XKRX: variants seen among roughly 807,000 people sequenced by gnomAD.
The protein encoded by XKRX is XK related X-linked, also known as XK-related protein 2.
Under a neutral mutation model 22.4 loss-of-function variants are expected in XKRX, and 11 were observed. The ratio of observed to expected loss-of-function variants is 0.49; its 90% CI spans 0.31 to 0.81. XKRX has a LOEUF of 0.81. Among genes scored for constraint, XKRX ranks in the 40% least tolerant of loss-of-function variants. The probability of loss-of-function intolerance (pLI) is 0.05; values close to 1 mark genes in which losing one functional copy is unlikely to be tolerated. For missense variants in XKRX, 320 were observed against 336.5 expected (o/e 0.95, Z 0.38); for synonymous variants, 114 against 132.2 (o/e 0.86, Z 0.94).
At chrX:100,927,818 G>C (rs2147944402) in intron 1 of XKRX, 152 bp downstream of exon 1, 1 of 718,502 alleles carries the variant, frequency 1.4e-6, no homozygotes. Flanking sequence ...TTTCAGGTAA[G>C]TTTTCTGAAT....
chrX:100,927,889 A>G, intron 1 of XKRX, 81 bp downstream of exon 1: 2 of 1,059,041 alleles, frequency 1.9e-6, no homozygotes, highest in Non-Finnish European at 2.5e-6. Context: ...CATAGTATCC[A>G]TCTTGTAAAT....
At position 100,914,287 on chromosome X, in the gene XKRX, T is replaced by C. The variant is rs766763906; in HGVS notation, c.*51A>G. 5 of 1,161,865 alleles carry C rather than the reference T, an allele frequency of 4.3e-6. No individual in the cohort carries two copies. Among genetic ancestry groups the C allele is most frequent in the Non-Finnish European group, 2.3e-6 (2 of 867,118 alleles). On this transcript the variant is annotated 3_prime_UTR_variant, in exon 3 of 3. Coordinates refer to ENST00000372956, the MANE Select transcript of XKRX (RefSeq NM_212559.3). ...AACCTCATCCTTTCGTTCAATTTCA[T>C]GGTTACTCTTGGCAACTCCCAACTC...
At chrX:100,904,062 C>G in the XKRX span, among the ~76,000 whole-genome samples, 1 of 111,780 alleles carries the variant, frequency 8.9e-6, no homozygotes, top group Admixed American at 9.6e-5. Context: ...AAGAGGTTGA[C>G]GCTACCAAAT....
chrX:100,896,829 A>G, the XKRX span, among the ~76,000 whole-genome samples: 1 of 111,392 alleles, frequency 9.0e-6, no homozygotes, highest in Non-Finnish European at 1.9e-5. Flanking sequence ...CACCCTATGT[A>G]AAAAAATTAT....
rs1332785636 is a variant in XKRX at position 100,914,933 on chromosome X, G to T, written c.755C>A (p.Thr252Asn). ...CITIWRTLEI[T>N]SRLLILVLFS... ...GAGCACCAGAATCAGGAGGCGGGAA[G>T]TGATCTCCAATGTCCGCCAGATGGT... The change falls in exon 3 of 3, where the codon ACT becomes AAT. Residue 252 changes from threonine (T) to asparagine (N), a missense_variant. Thr to Asn is a moderately conservative substitution (Grantham distance 65). Coordinates refer to ENST00000372956, the MANE Select transcript of XKRX (RefSeq NM_212559.3). 1.7e-6 allele frequency: 2 copies of T among 1,209,996 alleles called. No homozygotes were observed. Among genetic ancestry groups the T allele is most frequent in the Admixed American group, 4.4e-5 (2 of 45,664 alleles).
the XKRX span, among the ~76,000 whole-genome samples, chrX:100,901,278 T>C: frequency 3.6e-5 from 4 of 111,959 alleles, no homozygotes; most frequent in African/African-American, 1.3e-4. Context: ...AGAAATTCAC[T>C]TTACATTTAA....
the XKRX span, among the ~76,000 whole-genome samples, chrX:100,897,591 ATATGTGTGTGTGTGTG>A: frequency 1.2e-4 from 5 of 40,186 alleles, no homozygotes; most frequent in African/African-American, 4.3e-4. Context: ...ACAAATATAT[ATATGTGTGTGTGTGTG>A]TGTGTGTGTG....
upstream of XKRX, chrX:100,929,008 C>T (rs2085511044): frequency 6.2e-6 from 1 of 162,224 alleles, no homozygotes. Context: ...TTGTCACCAC[C>T]CTGTCTCCGA....
chrX:100,945,180 G>A, the XKRX span, among the ~76,000 whole-genome samples: 4 of 107,459 alleles, frequency 3.7e-5, no homozygotes, highest in Admixed American at 4.1e-4. Context: ...CTGGGCTCAG[G>A]TGATCCTCCT....
At chrX:100,909,253 C>T (rs762785264), downstream of XKRX, among the ~76,000 whole-genome samples, 4 of 112,315 alleles carry the variant, frequency 3.6e-5, no homozygotes, top group African/African-American at 6.5e-5. Flanking sequence ...TGAGCATATG[C>T]TCAGCTTTCA....
At chrX:100,907,606 C>T in the XKRX span, among the ~76,000 whole-genome samples, 1 of 111,623 alleles carries the variant, frequency 9.0e-6, no homozygotes, top group South Asian at 3.8e-4. Context: ...GTCATTTCCC[C>T]ATAGATGAAA....
Position 100,914,600 on chromosome X carries a change from A to G in XKRX, c.1088T>C (p.Met363Thr), listed in dbSNP as rs749905236. The change falls in exon 3 of 3, where the codon ATG (methionine) becomes ACG (threonine). Residue 363 changes from methionine to threonine, a missense_variant. By Grantham distance (81) the Met-to-Thr change is moderately conservative. Coordinates refer to ENST00000372956, the MANE Select transcript of XKRX (RefSeq NM_212559.3). ...TCCAAAGAACTTAAAAACCAAGACC[A>G]TGATCACATTCTCTACCAACCTCAC... is the stretch of plus-strand genomic sequence containing the variant. ...YSVRLVENVI[M>T]VLVFKFFGVK... The G allele has an allele frequency of 8.3e-7, 1 of 1,211,967 alleles. No individual in the cohort carries two copies. Among genetic ancestry groups the G allele is most frequent in the Admixed American group, 2.2e-5 (1 of 46,059 alleles).
chrX:100,896,234 G>A, the XKRX span, among the ~76,000 whole-genome samples: 7 of 111,527 alleles, frequency 6.3e-5, no homozygotes, highest in African/African-American at 2.3e-4. Context: ...TCACTTCCTG[G>A]AATCTATTCC....
Position 100,914,129 on chromosome X carries a change from T to G in XKRX, c.*209A>C. The G allele has an allele frequency of 2.2e-6, 1 of 461,256 alleles. No individual in the cohort carries two copies. Among genetic ancestry groups the G allele is most frequent in the Non-Finnish European group, 3.7e-6 (1 of 268,278 alleles). The allele number at this position is 461,256 out of a possible 1,213,427, so 38.0% of individuals were successfully genotyped here. ...ATGGTATTTCTGACCCTTTCAACTA[T>G]ATAGTCGATACCCCCTGTTTCCAAA... On this transcript the variant is annotated 3_prime_UTR_variant, in exon 3 of 3. Coordinates refer to ENST00000372956, the MANE Select transcript of XKRX (RefSeq NM_212559.3).
intron 2 of XKRX, among the ~76,000 whole-genome samples, chrX:100,917,681 A>AG (rs1491559236): frequency 1.1e-5 from 1 of 92,424 alleles, no homozygotes; most frequent in East Asian, 3.4e-4. Context: ...AAGAAAAGAA[A>AG]GAAAGAAAGA....
At chrX:100,924,442 A>T (rs1292542988) in intron 1 of XKRX, among the ~76,000 whole-genome samples, 1 of 111,368 alleles carries the variant, frequency 9.0e-6, no homozygotes, top group African/African-American at 3.3e-5. Flanking sequence ...TCCTTGGAAT[A>T]AGGGTAAGAT....
At chrX:100,921,391 CAA>C (rs745551304) in intron 2 of XKRX, among the ~76,000 whole-genome samples, 1 of 111,899 alleles carries the variant, frequency 8.9e-6, no homozygotes, top group Non-Finnish European at 1.9e-5. Context: ...TCATCATTTC[CAA>C]AGAGTTTTCT....
intron 2 of XKRX, among the ~76,000 whole-genome samples, chrX:100,920,927 AT>A (rs1209197625): frequency 4.7e-5 from 5 of 107,351 alleles, no homozygotes; most frequent in African/African-American, 6.8e-5. Context: ...GCCTGGCTGA[AT>A]TTTTTTTTGA....
At chrX:100,936,562 A>G in the XKRX span, among the ~76,000 whole-genome samples, 6 of 92,999 alleles carry the variant, frequency 6.5e-5, no homozygotes, top group East Asian at 6.2e-4. Context: ...AAAAAAAAAA[A>G]AAAAAAAAGA....
Sources: gnomAD v4.1 joint callset for allele counts (sites outside exome capture counted in the v4.1 genomes callset) on GRCh38, gnomAD v4.1.1 for gene constraint, MANE v1.5 for transcripts, NCBI Gene and HGNC (gene_info 2026-07-23, HGNC 2026-07-21) for gene names.